The following FTCDNL1 variants were observed in gnomAD, a reference collection of about 807,000 sequenced individuals.
FTCDNL1 encodes formiminotransferase N-terminal subdomain-containing protein.
FTCDNL1 carries 11 observed loss-of-function variants against 5.9 expected under a neutral mutation model. The observed-to-expected ratio is 1.87, with a 90% confidence interval of 1.18 to 3.10. FTCDNL1 has a LOEUF of 3.10. Ranked by LOEUF, FTCDNL1 falls within the 30% of genes most tolerant of loss-of-function variation. The pLI, the probability that FTCDNL1 is intolerant of heterozygous loss-of-function variation, is 0.00. For synonymous variants in FTCDNL1, 58 were observed against 24.8 expected (o/e 2.34, Z -3.99); for missense variants, 115 against 65.5 (o/e 1.76, Z -2.61).
chr2:199,767,636 C>A (rs1698599340), intron 3 of FTCDNL1, among the ~76,000 whole-genome samples: 1 of 152,154 alleles, frequency 6.6e-6, no homozygotes, highest in Admixed American at 6.6e-5. Context: ...ATAAAACAGG[C>A]TTCAGAGAGC....
Position 199,812,573 on chromosome 2 carries a change from G to A in FTCDNL1, c.*132C>T. On this transcript the variant is annotated 3_prime_UTR_variant, in exon 5 of 5. Transcript: ENST00000420128. ...TTTGCTCTAAAATTAGAAACCTGAT[G>A]TGAAAGTTTGTTTCTCAGTTTGCAG... The A allele has an allele frequency of 2.1e-6, 1 of 474,032 alleles. No homozygotes were observed. Among genetic ancestry groups the A allele is most frequent in the Non-Finnish European group, 3.7e-6 (1 of 266,838 alleles). 29.4% of individuals were successfully genotyped at this position (474,032 alleles called of 1,614,324 possible).
At chr2:199,697,704 A>G in the FTCDNL1 span, among the ~76,000 whole-genome samples, 3 of 152,230 alleles carry the variant, frequency 2.0e-5, no homozygotes, top group African/African-American at 7.2e-5. Context: ...CATTGACACT[A>G]TAAAGTAATT....
intron 3 of FTCDNL1, among the ~76,000 whole-genome samples, chr2:199,792,350 T>C (rs781103720): frequency 2.6e-5 from 4 of 152,190 alleles, no homozygotes; most frequent in Non-Finnish European, 5.9e-5. Flanking sequence ...AAATCTGCTA[T>C]ACCCTTCCAA....
chr2:199,753,546 AC>A, the FTCDNL1 span, among the ~76,000 whole-genome samples: 1 of 152,248 alleles, frequency 6.6e-6, no homozygotes, highest in African/African-American at 2.4e-5. Context: ...CATGTGGGAC[AC>A]AATCGGAGAA....
chr2:199,760,652 G>T (rs2106241272), exon 4 of FTCDNL1: 1 of 573,702 alleles, frequency 1.7e-6, no homozygotes, highest in East Asian at 2.8e-5. Context: ...CCTCTATTTA[G>T]AATTTAGTAA....
intron 4 of FTCDNL1, among the ~76,000 whole-genome samples, chr2:199,816,901 C>T (rs1201956253): frequency 2.0e-5 from 3 of 152,162 alleles, no homozygotes; most frequent in Non-Finnish European, 4.4e-5. Flanking sequence ...TCTCTTTGCC[C>T]CTCCCCAACT....
At chr2:199,837,908 T>G (rs1286026798) in intron 3 of FTCDNL1, among the ~76,000 whole-genome samples, 1 of 152,234 alleles carries the variant, frequency 6.6e-6, no homozygotes, top group East Asian at 1.9e-4. Flanking sequence ...ATATCATTTA[T>G]AAAATTCATT....
At chr2:199,801,450 C>T (rs1391446438) in intron 3 of FTCDNL1, among the ~76,000 whole-genome samples, 1 of 151,962 alleles carries the variant, frequency 6.6e-6, no homozygotes, top group Non-Finnish European at 1.5e-5. Flanking sequence ...AGTTGGAGAC[C>T]AGCCTGGGCA....
chr2:199,780,492 C>T (rs1042645429), intron 3 of FTCDNL1, among the ~76,000 whole-genome samples: 1 of 152,114 alleles, frequency 6.6e-6, no homozygotes, highest in African/African-American at 2.4e-5. Flanking sequence ...TCACTGGTCT[C>T]TTCCTGAAAA....
chr2:199,746,526 C>T, the FTCDNL1 span, among the ~76,000 whole-genome samples: 3 of 151,794 alleles, frequency 2.0e-5, no homozygotes, highest in Non-Finnish European at 4.4e-5. Context: ...ATGAGGAGGT[C>T]GGCATCTAGT....
At chr2:199,684,403 A>C in the FTCDNL1 span, among the ~76,000 whole-genome samples, 1 of 152,164 alleles carries the variant, frequency 6.6e-6, no homozygotes, top group Non-Finnish European at 1.5e-5. Context: ...CTTAAATTCC[A>C]CTTTCTTTTA....
chr2:199,690,428 T>C, the FTCDNL1 span, among the ~76,000 whole-genome samples: 5 of 152,166 alleles, frequency 3.3e-5, no homozygotes, highest in African/African-American at 1.2e-4. Flanking sequence ...CTCCCCTCTA[T>C]TGTACTCTCA....
chr2:199,770,632 A>G (rs961035805), intron 3 of FTCDNL1, among the ~76,000 whole-genome samples: 1 of 152,136 alleles, frequency 6.6e-6, no homozygotes, highest in Non-Finnish European at 1.5e-5. Context: ...TATCCTTCAC[A>G]TATCATTTTA....
chr2:199,671,736 G>T, the FTCDNL1 span, among the ~76,000 whole-genome samples: 4 of 151,916 alleles, frequency 2.6e-5, no homozygotes, highest in Admixed American at 6.6e-5. Context: ...CAGCTGCCCT[G>T]CCAGCTGGCT....
chr2:199,762,146 C>T (rs1027455047), intron 3 of FTCDNL1, among the ~76,000 whole-genome samples: 14 of 152,080 alleles, frequency 9.2e-5, no homozygotes, highest in African/African-American at 3.4e-4. Context: ...TTTGGGAGGC[C>T]GAGGTGGGTG....
At chr2:199,814,258 G>A (rs1316922060) in intron 4 of FTCDNL1, among the ~76,000 whole-genome samples, 1 of 152,174 alleles carries the variant, frequency 6.6e-6, no homozygotes, top group Non-Finnish European at 1.5e-5. Flanking sequence ...TAAGTCCAAT[G>A]CTCCCATGGC....
the FTCDNL1 span, among the ~76,000 whole-genome samples, chr2:199,694,856 A>T: frequency 6.6e-6 from 1 of 152,156 alleles, no homozygotes; most frequent in African/African-American, 2.4e-5. Context: ...TTAATTAAAA[A>T]ATATTCATTG....
rs550162570 is a variant in FTCDNL1 at position 199,816,740 on chromosome 2, T to A, written c.397+2832A>T. Among the ~76,000 whole-genome samples the A allele has an allele frequency of 2.2e-4, 33 of 152,310 alleles. No homozygotes were observed. The South Asian group carries it at 6.6e-3, about 31-fold the overall frequency. On this transcript the variant is annotated intron_variant, in intron 4 of 4. Transcript: ENST00000420128. ...TATTGCCTTTACAATGAAGCCTAAT[T>A]TGGATTATTCCACTTATAATCACAA...
chr2:199,744,446 A>T, the FTCDNL1 span, among the ~76,000 whole-genome samples: 3 of 122,796 alleles, frequency 2.4e-5, no homozygotes, highest in African/African-American at 7.7e-5. Flanking sequence ...ACACACACAC[A>T]GAGAGAGAGA....
Sources: gnomAD v4.1 joint callset for allele counts (sites outside exome capture counted in the v4.1 genomes callset) on GRCh38, gnomAD v4.1.1 for gene constraint, MANE v1.5 for transcripts, NCBI Gene and HGNC (gene_info 2026-07-23, HGNC 2026-07-21) for gene names.